BCAS3: variants seen among roughly 807,000 people sequenced by gnomAD.
BCAS3 encodes BCAS4/BCAS3 fusion.
A neutral mutation model predicts 116.1 loss-of-function variants in BCAS3; 53 were observed. The observed-to-expected ratio is 0.46, with a 90% CI of 0.37 to 0.57. BCAS3 has a LOEUF of 0.57. Ranked by LOEUF, BCAS3 falls within the 20% of genes least tolerant of loss-of-function variation. BCAS3 has a pLI of 0.00. For missense variants in BCAS3, 917 were observed against 1,165.4 expected (o/e 0.79, Z 3.10); for synonymous variants, 391 against 408.2 (o/e 0.96, Z 0.51).
At chr17:60,781,007 C>T (rs1175272747) in intron 6 of BCAS3, among the ~76,000 whole-genome samples, 1 of 151,680 alleles carries the variant, frequency 6.6e-6, no homozygotes, top group African/African-American at 2.4e-5. Context: ...CTCACTCTGT[C>T]CCCCAGGCTG....
At chr17:61,306,246 G>A (rs1010706436) in intron 22 of BCAS3, among the ~76,000 whole-genome samples, 1 of 152,204 alleles carries the variant, frequency 6.6e-6, no homozygotes, top group Non-Finnish European at 1.5e-5. Flanking sequence ...CTCTGCATCT[G>A]AGCTTTAAAG....
chr17:61,066,899 A>G (rs2143361603), intron 19 of BCAS3, among the ~76,000 whole-genome samples: 1 of 152,166 alleles, frequency 6.6e-6, no homozygotes, highest in East Asian at 1.9e-4. Context: ...ATTTGAAGAA[A>G]CTTAAGGATG....
chr17:61,149,834 A>G (rs2077446520), intron 22 of BCAS3, among the ~76,000 whole-genome samples: 1 of 152,222 alleles, frequency 6.6e-6, no homozygotes. Context: ...TCCTCTCTGG[A>G]TGAAAGTGTT....
rs181043950 is a variant in BCAS3 at position 61,214,618 on chromosome 17, G to A, written c.2425+130054G>A. Reference sequence around the variant, plus strand: ...AGGCAGAAGAACAGCATGAACCTGGGAGGCGGAGCTTGCAGTGAGCCGAGA... The same window carrying A: ...AGGCAGAAGAACAGCATGAACCTGGAAGGCGGAGCTTGCAGTGAGCCGAGA... On this transcript the variant is annotated intron_variant, in intron 22 of 23. Coordinates refer to ENST00000407086, the MANE Select transcript of BCAS3 (RefSeq NM_017679.5). This position sits in a 1 kb window ranked among gnomAD's most constrained non-coding sequence, Gnocchi z 4.4. Among the ~76,000 whole-genome samples, 1 of 151,918 alleles carries A rather than the reference G, an allele frequency of 6.6e-6. No homozygotes were observed. The highest frequency in any genetic ancestry group is 1.5e-5 in the Non-Finnish European group (1 of 67,988).
In BCAS3 at chr17:60,970,486, G is replaced by A. The variant is rs562362367; in HGVS notation, c.1222-19485G>A. ...TAGAGACATTAATATGATAGTAAAT[G>A]TATATTAAAAGATACATCATCCAAA... is the stretch of plus-strand genomic sequence containing the variant. On this transcript the variant is annotated intron_variant, in intron 14 of 23. Transcript: ENST00000407086. Among the ~76,000 whole-genome samples, 10 of 152,216 alleles carry A rather than the reference G, an allele frequency of 6.6e-5. No homozygotes were observed. The East Asian group carries it at 1.5e-3, about 23-fold the overall frequency.
At chr17:60,975,716 C>T (rs71373862) in intron 14 of BCAS3, among the ~76,000 whole-genome samples, 1 of 152,182 alleles carries the variant, frequency 6.6e-6, no homozygotes, top group Admixed American at 6.5e-5. Flanking sequence ...CCCTGCTCCT[C>T]TGCAATTACT....
intron 5 of BCAS3, among the ~76,000 whole-genome samples, chr17:60,730,316 T>C (rs2040332065): frequency 6.6e-6 from 1 of 152,234 alleles, no homozygotes; most frequent in Non-Finnish European, 1.5e-5. Flanking sequence ...CGTATTGTTC[T>C]TGAAATTTAC....
chr17:61,161,743 A>T lies in BCAS3; in HGVS notation c.2425+77179A>T, dbSNP rs1441113599. 2.0e-4 allele frequency among the ~76,000 whole-genome samples: 31 copies of T among 152,232 alleles called. No homozygotes were observed. On this transcript the variant is annotated intron_variant, in intron 22 of 23. Transcript: ENST00000407086. This position sits in a 1 kb window ranked among gnomAD's most constrained non-coding sequence, Gnocchi z 4.8. ...CCTCAGCACACATACCAGCCCCCGC[A>T]ATTCCAGTTTCATGGTGCCTGAGTT...
At chr17:60,888,510 T>A (rs1349525963) in intron 9 of BCAS3, among the ~76,000 whole-genome samples, 1 of 152,214 alleles carries the variant, frequency 6.6e-6, no homozygotes, top group Admixed American at 6.5e-5. Context: ...TATAAAATTA[T>A]ATTTTTAATG....
At chr17:61,031,034 A>G (rs1272002375) in intron 16 of BCAS3, among the ~76,000 whole-genome samples, 1 of 152,032 alleles carries the variant, frequency 6.6e-6, no homozygotes, top group Non-Finnish European at 1.5e-5. Context: ...TTTTTCTATC[A>G]TTGTATTATT....
intron 13 of BCAS3, among the ~76,000 whole-genome samples, chr17:60,926,635 A>T (rs1352303835): frequency 4.6e-5 from 7 of 152,182 alleles, no homozygotes; most frequent in Non-Finnish European, 1.0e-4. Flanking sequence ...TGTCACTTGT[A>T]GCACTCCACT....
At chr17:61,147,947 T>C (rs958035610) in intron 22 of BCAS3, among the ~76,000 whole-genome samples, 4 of 150,652 alleles carry the variant, frequency 2.7e-5, no homozygotes, top group Admixed American at 1.3e-4. Context: ...GATCATGCCA[T>C]TGCACTCCAA....
intron 22 of BCAS3, among the ~76,000 whole-genome samples, chr17:61,236,964 G>T (rs897068752): frequency 5.3e-5 from 8 of 152,310 alleles, no homozygotes; most frequent in Admixed American, 5.2e-4. Flanking sequence ...AATAGCCTCT[G>T]CATAGCGGAC....
intron 22 of BCAS3, among the ~76,000 whole-genome samples, chr17:61,331,706 C>T (rs563227100): frequency 1.3e-5 from 2 of 152,304 alleles, no homozygotes; most frequent in South Asian, 2.1e-4. Flanking sequence ...ATCCTTCCTA[C>T]ATCCCACTCC....
chr17:61,349,630 A>G lies in BCAS3; in HGVS notation c.2426-18697A>G, dbSNP rs553704013. ...GTAATCCAACATGTTTTTTAAAGCT[A>G]GCATATGTTTCAAAGCTGACTATTA... On this transcript the variant is annotated intron_variant, in intron 22 of 23. Transcript: ENST00000407086. The surrounding 1 kb of genome is among the most constrained non-coding windows in gnomAD (Gnocchi z 4.7). Among the ~76,000 whole-genome samples, 2 of 152,348 alleles carry G rather than the reference A, an allele frequency of 1.3e-5. No homozygotes were observed. The highest frequency in any genetic ancestry group is 4.8e-5 in the African/African-American group (2 of 41,590).
Position 61,056,821 on chromosome 17 carries a change from T to C in BCAS3, c.2029+15929T>C, listed in dbSNP as rs1421504013. Among the ~76,000 whole-genome samples the C allele has an allele frequency of 6.6e-6, 1 of 152,232 alleles. No individual in the cohort carries two copies. The highest frequency in any genetic ancestry group is 1.5e-5 in the Non-Finnish European group (1 of 68,036). ...GGTGTTATCTCCATAAAAATGACCA[T>C]TGCATCCATGCACAGATTTTTTCTC... On this transcript the variant is annotated intron_variant, in intron 19 of 23. Coordinates refer to ENST00000407086, the MANE Select transcript of BCAS3 (RefSeq NM_017679.5). The surrounding 1 kb of genome is among the most constrained non-coding windows in gnomAD (Gnocchi z 4.9).
chr17:61,168,009 C>T (rs182445563), intron 22 of BCAS3, among the ~76,000 whole-genome samples: 5 of 152,252 alleles, frequency 3.3e-5, no homozygotes, highest in South Asian at 2.1e-4. Flanking sequence ...TGGTATCATA[C>T]GGCGCTGCCT....
At chr17:60,803,710 A>G (rs1442316166) in intron 6 of BCAS3, among the ~76,000 whole-genome samples, 1 of 152,096 alleles carries the variant, frequency 6.6e-6, no homozygotes, top group Non-Finnish European at 1.5e-5. Flanking sequence ...ACATGGTTTG[A>G]AAATGAAAAA....
At chr17:60,807,092 TA>T (rs780616105) in intron 6 of BCAS3, among the ~76,000 whole-genome samples, 35 of 152,288 alleles carry the variant, frequency 2.3e-4, no homozygotes, top group East Asian at 1.7e-3. Context: ...ATATTTTTGT[TA>T]TTTTTTTTTG....
Sources: allele counts gnomAD v4.1 joint callset (sites outside exome capture counted in the v4.1 genomes callset), GRCh38; gene constraint gnomAD v4.1.1; non-coding constraint Gnocchi (gnomAD v3.1); transcripts MANE v1.5; gene names NCBI Gene and HGNC (gene_info 2026-07-23, HGNC 2026-07-21).